PDLIM1: variants seen among roughly 807,000 people sequenced by gnomAD.
The protein encoded by PDLIM1 is PDZ and LIM domain protein 1.
A neutral mutation model predicts 35.2 loss-of-function variants in PDLIM1; 25 were observed. The ratio of observed to expected loss-of-function variants is 0.71; its 90% CI spans 0.52 to 0.99. PDLIM1 has a LOEUF of 0.99. PDLIM1 is among the 50% of genes least tolerant of loss of function. PDLIM1 has a pLI of 0.00. For synonymous variants in PDLIM1, 152 were observed against 154.0 expected (o/e 0.99, Z 0.10); for missense variants, 363 against 415.3 (o/e 0.87, Z 1.09).
chr10:95,239,038 G>A (rs1197612988), intron 5 of PDLIM1, among the ~76,000 whole-genome samples: 7 of 152,076 alleles, frequency 4.6e-5, no homozygotes, highest in African/African-American at 9.7e-5. Flanking sequence ...ACCCAGAAAC[G>A]AGACCACACA....
At chr10:95,267,850 C>G (rs1358462338) in intron 3 of PDLIM1, among the ~76,000 whole-genome samples, 1 of 152,104 alleles carries the variant, frequency 6.6e-6, no homozygotes, top group Non-Finnish European at 1.5e-5. Flanking sequence ...AATTTCAAAT[C>G]TTCAACTTGG....
intron 1 of PDLIM1, among the ~76,000 whole-genome samples, chr10:95,286,413 G>A (rs542425021): frequency 1.8e-4 from 27 of 151,668 alleles, no homozygotes; most frequent in African/African-American, 6.3e-4. Context: ...GGGTTTGCTT[G>A]CTTATTATTT....
intron 1 of PDLIM1, among the ~76,000 whole-genome samples, chr10:95,281,150 G>A (rs926771529): frequency 3.9e-5 from 6 of 152,064 alleles, no homozygotes; most frequent in Non-Finnish European, 8.8e-5. Context: ...AAAGTAATTA[G>A]ACCCTAAAAT....
At position 95,263,792 on chromosome 10, in the gene PDLIM1, T is replaced by C. The variant is rs568250117; in HGVS notation, c.533+72A>G. On this transcript the variant is annotated intron_variant, in intron 4 of 6. Transcript: ENST00000329399. ...TGGAGTAGTGGCTCTTGCACCTGCCTGGGCAGCCCTGGTCCTGATGTGAAA... is the reference window on the plus strand; with the variant it reads ...TGGAGTAGTGGCTCTTGCACCTGCCCGGGCAGCCCTGGTCCTGATGTGAAA... The C allele has an allele frequency of 4.1e-6, 5 of 1,211,422 alleles. No homozygotes were observed. The African/African-American group carries it at 7.5e-5, about 18-fold the overall frequency. The allele number at this position is 1,211,422 out of a possible 1,614,324, so 75.0% of individuals were successfully genotyped here.
rs1213001802 is a variant in PDLIM1 at position 95,247,514 on chromosome 10, G to C, written c.534-148C>G. The C allele has an allele frequency of 3.1e-5, 19 of 610,576 alleles. No individual in the cohort carries two copies. In the Admixed American group the frequency reaches 5.8e-4, roughly 19 times the overall value. The allele number at this position is 610,576 out of a possible 1,614,324, so 37.8% of individuals were successfully genotyped here. A position where few individuals can be genotyped will look rare whatever the true frequency, so the allele number is the denominator to read the frequency against. Reference sequence around the variant, plus strand: ...CTCCTAAATCAGCCACAGACCTGCTGCCAGCACAGTGAAACTGAGATGTCT... The same window carrying C: ...CTCCTAAATCAGCCACAGACCTGCTCCCAGCACAGTGAAACTGAGATGTCT... On this transcript the variant is annotated intron_variant, in intron 4 of 6. Transcript: ENST00000329399.
chr10:95,246,806 A>G (rs1270435342), intron 5 of PDLIM1, among the ~76,000 whole-genome samples: 3 of 152,188 alleles, frequency 2.0e-5, no homozygotes, highest in African/African-American at 7.2e-5. Flanking sequence ...GCACTAATTC[A>G]TTCTCATTCT....
intron 4 of PDLIM1, among the ~76,000 whole-genome samples, chr10:95,253,517 T>G (rs899169430): frequency 6.6e-6 from 1 of 152,080 alleles, no homozygotes; most frequent in Non-Finnish European, 1.5e-5. Flanking sequence ...TAGCTGGGCG[T>G]GGTGGCGGAT....
intron 1 of PDLIM1, among the ~76,000 whole-genome samples, chr10:95,274,293 CT>C (rs11429361): frequency 0.092 from 12,019 of 130,462 alleles, 442 homozygotes; most frequent in Middle Eastern, 0.17. Context: ...CACAGTCATC[CT>C]TTTTTTTTTT....
chr10:95,244,974 T>G (rs2035207448), intron 5 of PDLIM1, among the ~76,000 whole-genome samples: 1 of 152,114 alleles, frequency 6.6e-6, no homozygotes, highest in African/African-American at 2.4e-5. Flanking sequence ...TAAAGAATGT[T>G]TAGAATGGAA....
rs554607054 is a variant in PDLIM1, at chr10:95,247,244, A to C, written c.656T>G (p.Leu219Trp). 145 of 1,613,800 alleles carry C rather than the reference A, an allele frequency of 9.0e-5. 1 individual carries two copies. In the South Asian group the frequency reaches 1.5e-3, roughly 17 times the overall value. The change falls in exon 5 of 7, where the codon TTG becomes TGG. Residue 219 changes from leucine to tryptophan, a missense_variant. Coordinates refer to ENST00000329399, the MANE Select transcript of PDLIM1 (RefSeq NM_020992.4). The part of the protein sequence containing the change: ...PPKQSTSFLV[L>W]QEILESEEKG... ...TTCTTCAGACTCCAGGATTTCCTGC[A>C]AAACCAAGAAAGACGTGGACTGTTT...
chr10:95,259,675 G>A (rs2035344631), intron 4 of PDLIM1, among the ~76,000 whole-genome samples: 1 of 152,238 alleles, frequency 6.6e-6, no homozygotes. Flanking sequence ...CAGCCTTCAT[G>A]ATAGAGGTGT....
At chr10:95,280,513 C>G (rs12098298) in intron 1 of PDLIM1, among the ~76,000 whole-genome samples, 17,823 of 152,186 alleles carry the variant, frequency 0.12, 1,206 homozygotes, top group East Asian at 0.29. Context: ...CTAGGATTAC[C>G]AAATGCCCTG....
chr10:95,239,767 G>C (rs528132980), intron 5 of PDLIM1, among the ~76,000 whole-genome samples: 1 of 152,148 alleles, frequency 6.6e-6, no homozygotes, highest in Non-Finnish European at 1.5e-5. Context: ...CTGCACTCCA[G>C]CCTGGGCAAC....
chr10:95,256,986 A>AAAAAAGAAAGAAAGAAAG (rs1554832103), intron 4 of PDLIM1, among the ~76,000 whole-genome samples: 10 of 61,666 alleles, frequency 1.6e-4, no homozygotes, highest in Admixed American at 4.0e-4. Flanking sequence ...AAAAAAAAAA[A>AAAAAAGAAAGAAAGAAAG]AAAGAAAGAA....
At chr10:95,272,082 G>A (rs1301413216) in intron 1 of PDLIM1, among the ~76,000 whole-genome samples, 2 of 152,168 alleles carry the variant, frequency 1.3e-5, no homozygotes, top group East Asian at 3.9e-4. Flanking sequence ...CACCCAACTA[G>A]TATATTATTA....
At chr10:95,280,851 T>C (rs2035555238) in intron 1 of PDLIM1, among the ~76,000 whole-genome samples, 1 of 152,130 alleles carries the variant, frequency 6.6e-6, no homozygotes, top group Non-Finnish European at 1.5e-5. Flanking sequence ...CACTCACCAA[T>C]ACTCAGCCAA....
At chr10:95,275,337 C>A (rs2035501727) in intron 1 of PDLIM1, among the ~76,000 whole-genome samples, 1 of 152,186 alleles carries the variant, frequency 6.6e-6, no homozygotes, top group Non-Finnish European at 1.5e-5. Context: ...TTAGCCAGCT[C>A]TACGTGTATT....
intron 1 of PDLIM1, among the ~76,000 whole-genome samples, chr10:95,276,410 T>A (rs1338455833): frequency 6.6e-6 from 1 of 152,004 alleles, no homozygotes; most frequent in Non-Finnish European, 1.5e-5. Flanking sequence ...GGACAGTCAC[T>A]CCCCTGCCCT....
chr10:95,280,291 C>A (rs904268621), intron 1 of PDLIM1, among the ~76,000 whole-genome samples: 2 of 152,166 alleles, frequency 1.3e-5, no homozygotes, highest in Non-Finnish European at 2.9e-5. Context: ...AGGAGAATCA[C>A]TTGAACCGGG....
Sources: allele counts gnomAD v4.1 joint callset (sites outside exome capture counted in the v4.1 genomes callset), GRCh38; gene constraint gnomAD v4.1.1; transcripts MANE v1.5; gene names NCBI Gene and HGNC (gene_info 2026-07-23, HGNC 2026-07-21).